Variants in PCDHGA7 observed in about 807,000 individuals in gnomAD.
The protein encoded by PCDHGA7 is protocadherin gamma-A7.
Under a neutral mutation model 58.3 loss-of-function variants are expected in PCDHGA7, and 44 were observed. The ratio of observed to expected loss-of-function variants is 0.75; its 90% confidence interval spans 0.59 to 0.97. PCDHGA7 has a LOEUF of 0.97. Ranked by LOEUF, PCDHGA7 falls within the 50% of genes least tolerant of loss-of-function variation. The pLI is 0.00. For synonymous variants in PCDHGA7, 516 were observed against 504.2 expected (o/e 1.02, Z -0.31); for missense variants, 1,266 against 1,188.7 (o/e 1.06, Z -0.96).
At chr5:141,428,188 G>T in intron 1 of PCDHGA7, 1 of 1,433,356 alleles carries the variant, frequency 7.0e-7, no homozygotes. Flanking sequence ...GACAGCCGCC[G>T]CTCTCTGCGC....
chr5:141,398,189 T>G (rs926901002), intron 1 of PCDHGA7: 3 of 1,482,238 alleles, frequency 2.0e-6, no homozygotes, highest in Middle Eastern at 2.3e-4. Context: ...TTTCTCTTCC[T>G]GCTGTCTTTG....
intron 1 of PCDHGA7, chr5:141,399,420 C>T (rs1257006819): frequency 1.9e-6 from 3 of 1,614,034 alleles, no homozygotes; most frequent in Non-Finnish European, 2.5e-6. Flanking sequence ...TCTCCTCCAG[C>T]ATAAGCGTCA....
At chr5:141,427,422 G>C (rs922637577) in intron 1 of PCDHGA7, 1 of 468,292 alleles carries the variant, frequency 2.1e-6, no homozygotes, top group Non-Finnish European at 4.3e-6. Context: ...AAATGGGGAG[G>C]TTACATGCCT....
chr5:141,384,392 G>A lies in PCDHGA7; in HGVS notation c.1493G>A (p.Gly498Glu). The A allele has an allele frequency of 6.2e-7, 1 of 1,613,930 alleles. No individual in the cohort carries two copies. The highest frequency in any genetic ancestry group is 8.5e-7 in the Non-Finnish European group (1 of 1,179,898). The change falls in exon 1 of 4, where the codon GGG becomes GAG. Residue 498 changes from glycine to glutamate, a missense_variant. Gly to Glu is a moderately conservative substitution (Grantham distance 98). Coordinates refer to ENST00000518325, the MANE Select transcript of PCDHGA7 (RefSeq NM_018920.4). ...TCCTTGGCCGAAGACACCATCCAGGGGGCTCCAGTGTCCTCCTATGTCTCC... is the reference window on the plus strand; with the variant it reads ...TCCTTGGCCGAAGACACCATCCAGGAGGCTCCAGTGTCCTCCTATGTCTCC... ...TYSLAEDTIQGAPVSSYVSIN... is the reference protein window; with the variant it reads ...TYSLAEDTIQEAPVSSYVSIN...
At chr5:141,472,786 G>A (rs549389294) in intron 1 of PCDHGA7, among the ~76,000 whole-genome samples, 1 of 151,888 alleles carries the variant, frequency 6.6e-6, no homozygotes, top group Non-Finnish European at 1.5e-5. Flanking sequence ...GGGAGTTCAA[G>A]ATCAGCCTGA....
intron 1 of PCDHGA7, among the ~76,000 whole-genome samples, chr5:141,451,908 G>A (rs899191624): frequency 3.9e-5 from 6 of 152,046 alleles, no homozygotes; most frequent in African/African-American, 7.2e-5. Context: ...AAGGGAGGGA[G>A]GGAGGAAGGA....
intron 1 of PCDHGA7, among the ~76,000 whole-genome samples, chr5:141,483,980 G>C (rs1379963326): frequency 2.0e-5 from 3 of 148,294 alleles, no homozygotes; most frequent in African/African-American, 7.5e-5. Flanking sequence ...CAAGGGAGTA[G>C]CTAGGTTGCT....
chr5:141,419,454 T>A (rs1191326733), intron 1 of PCDHGA7: 1 of 1,612,786 alleles, frequency 6.2e-7, no homozygotes, highest in Non-Finnish European at 8.5e-7. Flanking sequence ...GAGCTCACGC[T>A]GCAGGCCCGC....
intron 1 of PCDHGA7, chr5:141,399,573 A>T (rs1431985190): frequency 6.2e-7 from 1 of 1,614,020 alleles, no homozygotes; most frequent in Admixed American, 1.7e-5. Flanking sequence ...TGAACGGCCA[A>T]GTCTCCTACT....
At chr5:141,395,147 G>A in intron 1 of PCDHGA7, 1 of 1,614,210 alleles carries the variant, frequency 6.2e-7, no homozygotes, top group Non-Finnish European at 8.5e-7. Flanking sequence ...ACGCAGACAT[G>A]CTCATCAGTC....
In PCDHGA7 at chr5:141,487,493, C is replaced by T; in HGVS notation, c.2425-7314C>T. 6.2e-7 allele frequency: 1 copy of T among 1,614,168 alleles called. No individual in the cohort carries two copies. The highest frequency in any genetic ancestry group is 1.1e-5 in the South Asian group (1 of 91,088). On this transcript the variant is annotated intron_variant, in intron 1 of 3. Coordinates refer to ENST00000518325, the MANE Select transcript of PCDHGA7 (RefSeq NM_018920.4). The surrounding 1 kb of genome is among the most constrained non-coding windows in gnomAD (Gnocchi z 5.0). ...GGGAGGCCACTCTCATGGCTGTACA[C>T]CCTTGGCTTCTGCACCCACTCGGAG...
intron 1 of PCDHGA7, among the ~76,000 whole-genome samples, chr5:141,435,710 C>T (rs1033703743): frequency 1.3e-5 from 2 of 152,148 alleles, no homozygotes; most frequent in Admixed American, 6.5e-5. Flanking sequence ...TGGTTACAGA[C>T]ACTGAATGCT....
chr5:141,430,216 A>G (rs1487666733), intron 1 of PCDHGA7, among the ~76,000 whole-genome samples: 1 of 150,536 alleles, frequency 6.6e-6, no homozygotes, highest in Non-Finnish European at 1.5e-5. Flanking sequence ...TTATTATATT[A>G]TATGATTTGT....
At chr5:141,415,740 G>GTTTTTTTTTTTTTTTTTGTTTTT (rs2095912994) in intron 1 of PCDHGA7, 1 of 515,998 alleles carries the variant, frequency 1.9e-6, no homozygotes. Flanking sequence ...GTTTATTAAG[G>GTTTTTTTTTTTTTTTTTGTTTTT]TTTTTTTTTT....
At chr5:141,399,501 C>G in intron 1 of PCDHGA7, 1 of 1,614,030 alleles carries the variant, frequency 6.2e-7, no homozygotes, top group South Asian at 1.1e-5. Flanking sequence ...TCAGTGTACC[C>G]GAAAACAACC....
In PCDHGA7 at chr5:141,481,399, T is replaced by G. The variant is rs35677249; in HGVS notation, c.2425-13408T>G. 1.9e-3 allele frequency among the ~76,000 whole-genome samples: 284 copies of G among 152,356 alleles called. 1 individual carries two copies. Among genetic ancestry groups the G allele is most frequent in the Middle Eastern group, 0.01 (3 of 294 alleles). ...TTCTTTTTGGAGGGATGTGACAAAA[T>G]TCTTGTATAATTAGATTGTGATGAT... is the stretch of plus-strand genomic sequence containing the variant. On this transcript the variant is annotated intron_variant, in intron 1 of 3. Transcript: ENST00000518325.
intron 1 of PCDHGA7, chr5:141,429,216 T>A (rs1590916921): frequency 6.8e-6 from 1 of 146,786 alleles, no homozygotes; most frequent in Admixed American, 6.7e-5. Context: ...GTGTGAAAAG[T>A]GGGTATTATG....
rs771608897 is a variant in PCDHGA7, at chr5:141,490,857, C to T, written c.2425-3950C>T. 58 of 1,613,714 alleles carry T rather than the reference C, an allele frequency of 3.6e-5. 1 individual carries two copies. The highest frequency in any genetic ancestry group is 1.8e-4 in the Admixed American group (11 of 59,992). Reference sequence around the variant, plus strand: ...AGATTGTGGTGGGGGTTCGAGACTCCGGCTCTCCCCCATTGCATGCCAACA... The same window carrying T: ...AGATTGTGGTGGGGGTTCGAGACTCTGGCTCTCCCCCATTGCATGCCAACA... On this transcript the variant is annotated intron_variant, in intron 1 of 3. Transcript: ENST00000518325. The surrounding 1 kb of genome is among the most constrained non-coding windows in gnomAD (Gnocchi z 5.4).
rs1267535064 is a variant in PCDHGA7, at chr5:141,395,542, T to TTGTTTGTG, written c.2424+10222_2424+10223insTTGTGTGT. On this transcript the variant is annotated intron_variant, in intron 1 of 3. Coordinates refer to ENST00000518325, the MANE Select transcript of PCDHGA7 (RefSeq NM_018920.4). Reference sequence around the variant, plus strand: ...TCCATACTGGTAATTTTGCTATTGTTTGTGTGTGTGTGTGTGTGTGTGTGT... The same window carrying TTGTTTGTG: ...TCCATACTGGTAATTTTGCTATTGTTTGTTTGTGTGTGTGTGTGTGTGTGTGTGTGTGT... 308 of 172,612 alleles carry TTGTTTGTG rather than the reference T, an allele frequency of 1.8e-3. 2 individuals are homozygous for TTGTTTGTG. Among genetic ancestry groups the TTGTTTGTG allele is most frequent in the African/African-American group, 0.017 (292 of 17,534 alleles). The allele number at this position is 172,612 out of a possible 1,614,324, so 10.7% of individuals were successfully genotyped here.
Sources: allele counts gnomAD v4.1 joint callset (sites outside exome capture counted in the v4.1 genomes callset), GRCh38; gene constraint gnomAD v4.1.1; non-coding constraint Gnocchi (gnomAD v3.1); transcripts MANE v1.5; gene names NCBI Gene and HGNC (gene_info 2026-07-23, HGNC 2026-07-21).